The following ITPR2 variants were observed in gnomAD, a reference collection of about 807,000 sequenced individuals.
The protein encoded by ITPR2 is inositol 1,4,5-trisphosphate receptor type 2.
In ITPR2, 207 loss-of-function variants were observed where a neutral mutation model predicts 317.1. The ratio of observed to expected loss-of-function variants is 0.65; its 90% CI spans 0.58 to 0.73. The LOEUF (loss-of-function observed/expected upper bound fraction) is 0.73. ITPR2 is among the 30% of genes least tolerant of loss of function. The pLI is 0.00. For missense variants in ITPR2, 2,613 were observed against 3,284.0 expected, an observed-to-expected ratio of 0.80 and a Z score of 4.99; for synonymous variants, 1,156 against 1,149.1, an observed-to-expected ratio of 1.01 and a Z score of -0.12.
At chr12:26,769,025 A>ACACACACACC (rs1441493996) in intron 2 of ITPR2, among the ~76,000 whole-genome samples, 29 of 149,916 alleles carry the variant, frequency 1.9e-4, no homozygotes, top group South Asian at 6.3e-4. Context: ...ACACACACAC[A>ACACACACACC]CCCCAATCTC....
At chr12:26,640,882 G>A (rs757059397) in intron 21 of ITPR2, among the ~76,000 whole-genome samples, 5 of 152,122 alleles carry the variant, frequency 3.3e-5, no homozygotes, top group Admixed American at 2.0e-4. Flanking sequence ...GAAAGGTGTC[G>A]AAGGAGATAC....
At chr12:26,783,343 C>T (rs1950128752) in intron 2 of ITPR2, among the ~76,000 whole-genome samples, 2 of 152,150 alleles carry the variant, frequency 1.3e-5, no homozygotes, top group South Asian at 4.1e-4. Flanking sequence ...ACCAAATGGC[C>T]CAACACTGGG....
chr12:26,733,323 AAAAAAAGAAAAG>A (rs375874152), intron 2 of ITPR2, among the ~76,000 whole-genome samples: 22,562 of 148,486 alleles, frequency 0.15, 2,288 homozygotes, highest in Non-Finnish European at 0.23. Flanking sequence ...CAAAAAAAAA[AAAAAAAGAAAAG>A]AAAAGAAAAG....
chr12:26,568,344 A>G (rs150424669), intron 34 of ITPR2, among the ~76,000 whole-genome samples: 186 of 152,004 alleles, frequency 1.2e-3, no homozygotes, highest in African/African-American at 3.9e-3. Flanking sequence ...GTTGTTATCA[A>G]TGCATTTATC....
At chr12:26,550,103 A>T in intron 37 of ITPR2, 144 bp downstream of exon 37, 2 of 434,056 alleles carry the variant, frequency 4.6e-6, no homozygotes, top group Non-Finnish European at 8.0e-6. Flanking sequence ...TATCATAAAA[A>T]CTCAAATTAT....
intron 45 of ITPR2, among the ~76,000 whole-genome samples, chr12:26,447,000 A>T (rs1293297387): frequency 1.3e-5 from 2 of 151,968 alleles, no homozygotes; most frequent in East Asian, 3.8e-4. Flanking sequence ...TGCCCTGCAC[A>T]TATCTATATT....
intron 2 of ITPR2, among the ~76,000 whole-genome samples, chr12:26,784,801 C>T (rs1192684460): frequency 7.6e-6 from 1 of 130,788 alleles, no homozygotes; most frequent in Non-Finnish European, 1.6e-5. Flanking sequence ...GCCTGGCCCC[C>T]CATCGTCTGG....
At chr12:26,741,124 A>C (rs1949221816) in intron 2 of ITPR2, among the ~76,000 whole-genome samples, 1 of 152,246 alleles carries the variant, frequency 6.6e-6, no homozygotes, top group Admixed American at 6.5e-5. Context: ...AACATGTGAG[A>C]CAGGAAACTC....
chr12:26,664,278 C>T (rs958476669), intron 14 of ITPR2, among the ~76,000 whole-genome samples: 5 of 152,114 alleles, frequency 3.3e-5, no homozygotes, highest in Admixed American at 2.0e-4. Flanking sequence ...TTAAAACTGA[C>T]ATCAGAAAAT....
chr12:26,814,195 T>G (rs1020921982), intron 1 of ITPR2, among the ~76,000 whole-genome samples: 1 of 152,166 alleles, frequency 6.6e-6, no homozygotes, highest in Non-Finnish European at 1.5e-5. Context: ...ACAAAACACC[T>G]GCGCAAGGGC....
At chr12:26,690,854 C>T (rs1352086878) in intron 10 of ITPR2, among the ~76,000 whole-genome samples, 4 of 152,150 alleles carry the variant, frequency 2.6e-5, no homozygotes, top group African/African-American at 7.2e-5. Flanking sequence ...CTGTTTAAGA[C>T]CTGTGGTTTT....
chr12:26,497,346 T>G lies in ITPR2; in HGVS notation c.5074-2086A>C, dbSNP rs188654088. Among the ~76,000 whole-genome samples the G allele has an allele frequency of 2.6e-3, 399 of 151,958 alleles. 2 individuals are homozygous for G. Among genetic ancestry groups the G allele is most frequent in the African/African-American group, 8.4e-3 (349 of 41,466 alleles). On this transcript the variant is annotated intron_variant, in intron 37 of 56. Coordinates refer to ENST00000381340, the MANE Select transcript of ITPR2 (RefSeq NM_002223.4). ...TTTTTTTGTATTTTTAGTAGAGACG[T>G]GGTTTCACCGTGTTGGCCAGGATGG...
chr12:26,387,249 AAGG>A (rs1428462110), intron 55 of ITPR2, among the ~76,000 whole-genome samples, 182 bp downstream of exon 55: 1 of 152,230 alleles, frequency 6.6e-6, no homozygotes, highest in Non-Finnish European at 1.5e-5. Flanking sequence ...TTGAATAACC[AAGG>A]AGTCTACTGG....
At chr12:26,596,395 C>T (rs1346188305) in intron 31 of ITPR2, among the ~76,000 whole-genome samples, 3 of 152,188 alleles carry the variant, frequency 2.0e-5, no homozygotes, top group African/African-American at 7.2e-5. Context: ...GCCTGTAAAT[C>T]CAACACTTTG....
chr12:26,455,344 TAAAAAAA>T (rs10687003), intron 45 of ITPR2, among the ~76,000 whole-genome samples: 1 of 66,358 alleles, frequency 1.5e-5, no homozygotes, highest in Admixed American at 1.9e-4. Context: ...CAACAGCTGC[TAAAAAAA>T]AAAAAAAAAA....
chr12:26,541,195 T>C (rs1268130093), intron 37 of ITPR2, among the ~76,000 whole-genome samples: 1 of 148,274 alleles, frequency 6.7e-6, no homozygotes, highest in East Asian at 2.0e-4. Context: ...CAGCCGCCTG[T>C]AATCCCAGCT....
At position 26,340,265 on chromosome 12, in the gene ITPR2, T is replaced by C. The variant is rs764229958; in HGVS notation, c.7921A>G (p.Ser2641Gly). The change falls in exon 56 of 57, where the codon AGT becomes GGT. Residue 2641 changes from serine to glycine, a missense_variant. Ser to Gly is a moderately conservative substitution (Grantham distance 56). Coordinates refer to ENST00000381340, the MANE Select transcript of ITPR2 (RefSeq NM_002223.4). ...AMSLVSNEGDSEQNEIRSLQE... is the reference protein window; with the variant it reads ...AMSLVSNEGDGEQNEIRSLQE... Reference sequence around the variant, plus strand: ...AGGCTCCGAATTTCATTTTGCTCACTGTCGCCTTCATTGCTAACGAGGGAC... The same window carrying C: ...AGGCTCCGAATTTCATTTTGCTCACCGTCGCCTTCATTGCTAACGAGGGAC... 4 of 1,611,932 alleles carry C rather than the reference T, an allele frequency of 2.5e-6. No individual in the cohort carries two copies. The highest frequency in any genetic ancestry group is 1.1e-5 in the South Asian group (1 of 90,332).
At chr12:26,673,225 G>T (rs1357377329) in intron 13 of ITPR2, among the ~76,000 whole-genome samples, 1 of 152,044 alleles carries the variant, frequency 6.6e-6, no homozygotes, top group African/African-American at 2.4e-5. Flanking sequence ...ACCAAAGCTG[G>T]GCAGAGACAC....
Position 26,556,349 on chromosome 12 carries a change from C to G in ITPR2, c.4848G>C (p.Gln1616His). 6.2e-7 allele frequency: 1 copy of G among 1,613,818 alleles called. No individual in the cohort carries two copies. Among genetic ancestry groups the G allele is most frequent in the Non-Finnish European group, 8.5e-7 (1 of 1,179,872 alleles). ...LQDVVASLEHQFSPMMQAEFS... is the reference protein window; with the variant it reads ...LQDVVASLEHHFSPMMQAEFS... Reference sequence around the variant, plus strand: ...ATTCAGCCTGCATCATTGGGCTGAACTGGTGCTCCAAGGAGGCCACTACAT... The same window carrying G: ...ATTCAGCCTGCATCATTGGGCTGAAGTGGTGCTCCAAGGAGGCCACTACAT... The change falls in exon 36 of 57, where the codon CAG becomes CAC. Residue 1616 changes from glutamine to histidine, a missense_variant. Physicochemically the swap from Gln to His is conservative, Grantham distance 24. This residue lies in a region of ITPR2 where 926 missense variants were observed against 1,072.8 expected (regional missense o/e 0.86). Coordinates refer to ENST00000381340, the MANE Select transcript of ITPR2 (RefSeq NM_002223.4).
Sources: gnomAD v4.1 joint callset for allele counts (sites outside exome capture counted in the v4.1 genomes callset) on GRCh38, gnomAD v4.1.1 for gene constraint, gnomAD v4.1.1 regional missense constraint, MANE v1.5 for transcripts, NCBI Gene and HGNC (gene_info 2026-07-23, HGNC 2026-07-21) for gene names.